ABCA13: variants seen among roughly 807,000 people sequenced by gnomAD.
The protein encoded by ABCA13 is ATP binding cassette subfamily A member 13.
Under a neutral mutation model 478.7 loss-of-function variants are expected in ABCA13, and 476 were observed. That is an observed-to-expected ratio of 0.99 (90% CI 0.92 to 1.07). The LOEUF is 1.07. Ranked by LOEUF, ABCA13 falls within the 50% of genes least tolerant of loss-of-function variation. The pLI is 0.00. For synonymous variants in ABCA13, 2,252 were observed against 2,158.9 expected (o/e 1.04, Z -1.20); for missense variants, 6,060 against 5,910.6 (o/e 1.03, Z -0.83).
In ABCA13 at chr7:48,245,581, A is replaced by G; in HGVS notation, c.1460A>G (p.Glu487Gly). 6.2e-7 allele frequency: 1 copy of G among 1,612,976 alleles called. No individual in the cohort carries two copies. Among genetic ancestry groups the G allele is most frequent in the Non-Finnish European group, 8.5e-7 (1 of 1,179,600 alleles). ...KWFELNQLKLEKDVFFWELKQ... is the reference protein window; with the variant it reads ...KWFELNQLKLGKDVFFWELKQ... ...TTTGAACTTAACCAATTGAAACTGG[A>G]AAAGGATGTGTTCTTTTGGGAGCTG... Residue 487 changes from glutamate (E) to glycine (G), a missense_variant, in exon 12 of 62, where the codon GAA becomes GGA. Around this residue, in one of 3 missense-constraint regions of ABCA13, gnomAD observed 4,423 missense variants for 4,309.1 expected, o/e 1.03. Coordinates refer to ENST00000435803, the MANE Select transcript of ABCA13 (RefSeq NM_152701.5).
At chr7:48,362,799 A>G (rs1276615078) in intron 31 of ABCA13, among the ~76,000 whole-genome samples, 1 of 151,962 alleles carries the variant, frequency 6.6e-6, no homozygotes, top group East Asian at 1.9e-4. Flanking sequence ...CCATCATGCA[A>G]TTTTAGCTGG....
chr7:48,480,915 G>T, intron 45 of ABCA13, 121 bp from the exon 46 acceptor site: 1 of 674,462 alleles, frequency 1.5e-6, no homozygotes. Flanking sequence ...ATAAAGGGCT[G>T]CAGATAATTT....
intron 55 of ABCA13, among the ~76,000 whole-genome samples, chr7:48,538,753 T>G (rs1163001627): frequency 1.3e-5 from 2 of 152,230 alleles, no homozygotes; most frequent in Admixed American, 6.5e-5. Flanking sequence ...TTAAATGATT[T>G]TTTTTGAATT....
chr7:48,618,929 C>G (rs973170458), intron 59 of ABCA13, among the ~76,000 whole-genome samples: 1 of 152,166 alleles, frequency 6.6e-6, no homozygotes. Context: ...GTCAGCAAGT[C>G]CCCACTTTTT....
At chr7:48,368,038 A>G (rs1811958338) in intron 32 of ABCA13, 130 bp downstream of exon 32, 1 of 605,592 alleles carries the variant, frequency 1.7e-6, no homozygotes, top group Non-Finnish European at 2.9e-6. Context: ...GTTCTGGTGT[A>G]CAAAATAGCT....
chr7:48,372,509 G>C lies in ABCA13; in HGVS notation c.11133+12G>C. 3 of 879,438 alleles carry C rather than the reference G, an allele frequency of 3.4e-6. No individual in the cohort carries two copies. Among genetic ancestry groups the C allele is most frequent in the South Asian group, 3.0e-5 (1 of 33,142 alleles). The allele number at this position is 879,438 out of a possible 1,614,324, so 54.5% of individuals were successfully genotyped here. ...ATCAGACATTTCTGGTAAGTAAGTT[G>C]TTTTGTAAAAAAAAAAAAAAAAAAC... is the stretch of plus-strand genomic sequence containing the variant. On this transcript the variant is annotated intron_variant, in intron 33 of 61. Transcript: ENST00000435803.
At chr7:48,565,071 T>C (rs4144068) in intron 55 of ABCA13, among the ~76,000 whole-genome samples, 21,031 of 151,986 alleles carry the variant, frequency 0.14, 1,812 homozygotes, top group African/African-American at 0.23. Flanking sequence ...AAAGTCTGAG[T>C]GACTGCGGAA....
In ABCA13 at chr7:48,288,974, C is replaced by G. The variant is rs1264141159; in HGVS notation, c.8955+896C>G. On this transcript the variant is annotated intron_variant, in intron 20 of 61. Coordinates refer to ENST00000435803, the MANE Select transcript of ABCA13 (RefSeq NM_152701.5). ...GTGAAGACCTGTCTCTCTTCTAGTT[C>G]TGGTTCTGAATGTTGTTTCTTGCTT... Among the ~76,000 whole-genome samples the G allele has an allele frequency of 2.0e-5, 3 of 152,240 alleles. No individual in the cohort carries two copies. The East Asian group carries it at 5.8e-4, about 29-fold the overall frequency.
intron 26 of ABCA13, 69 bp from the exon 27 acceptor site, chr7:48,317,088 A>T: frequency 6.6e-7 from 1 of 1,525,884 alleles, no homozygotes; most frequent in Non-Finnish European, 8.8e-7. Flanking sequence ...GGATATGTGA[A>T]TGAATTTCCC....
chr7:48,317,023 A>C, intron 26 of ABCA13, 134 bp from the exon 27 acceptor site: 2 of 1,088,440 alleles, frequency 1.8e-6, no homozygotes, highest in Non-Finnish European at 2.6e-6. Context: ...AGCACTCCCA[A>C]AGTTCAGAGT....
chr7:48,388,013 G>T lies in ABCA13; in HGVS notation c.11473+54G>T. ...ATGTATTTTTCCTTTGATCCATTTT[G>T]ATTTTTTTTTGTTTGTTTTTATGGT... On this transcript the variant is annotated intron_variant, in intron 36 of 61. Coordinates refer to ENST00000435803, the MANE Select transcript of ABCA13 (RefSeq NM_152701.5). The T allele has an allele frequency of 3.2e-6, 5 of 1,562,706 alleles. No homozygotes were observed. In the South Asian group the frequency reaches 6.0e-5, roughly 19 times the overall value.
At chr7:48,548,196 A>G (rs1299027977) in intron 55 of ABCA13, among the ~76,000 whole-genome samples, 2 of 151,952 alleles carry the variant, frequency 1.3e-5, no homozygotes, top group African/African-American at 2.4e-5. Context: ...TGTTTATCCT[A>G]TAGGAATACA....
At chr7:48,610,933 G>A (rs1007163901) in intron 58 of ABCA13, among the ~76,000 whole-genome samples, 4 of 152,194 alleles carry the variant, frequency 2.6e-5, no homozygotes, top group Admixed American at 6.5e-5. Flanking sequence ...CCTATGATGC[G>A]AGGGGGGCTG....
At chr7:48,466,165 A>G (rs1826854563) in intron 43 of ABCA13, among the ~76,000 whole-genome samples, 1 of 152,300 alleles carries the variant, frequency 6.6e-6, no homozygotes, top group Admixed American at 6.5e-5. Context: ...ATTCAGTCCA[A>G]TTTAGAAAAT....
intron 55 of ABCA13, 115 bp from the exon 56 acceptor site, chr7:48,580,109 C>T: frequency 4.4e-6 from 5 of 1,128,548 alleles, no homozygotes; most frequent in Non-Finnish European, 6.0e-6. Context: ...GTGAAATGAA[C>T]TAATTGTTTT....
intron 3 of ABCA13, among the ~76,000 whole-genome samples, chr7:48,211,472 A>G (rs144704119): frequency 7.0e-4 from 106 of 152,274 alleles, no homozygotes; most frequent in African/African-American, 2.5e-3. Context: ...GTTTCCCCTA[A>G]TCAGAAGGAG....
intron 55 of ABCA13, among the ~76,000 whole-genome samples, chr7:48,568,285 T>C (rs777547484): frequency 3.6e-4 from 55 of 152,254 alleles, no homozygotes; most frequent in Non-Finnish European, 6.5e-4. Context: ...AACTTCCTTT[T>C]ATCTCAAATT....
At chr7:48,203,190 C>A (rs964186242) in intron 3 of ABCA13, among the ~76,000 whole-genome samples, 3 of 152,114 alleles carry the variant, frequency 2.0e-5, no homozygotes, top group Admixed American at 1.3e-4. Flanking sequence ...CCGGCAGGGC[C>A]GGCCGGCTGC....
chr7:48,459,436 A>G (rs1170593295), intron 43 of ABCA13, among the ~76,000 whole-genome samples: 1 of 152,096 alleles, frequency 6.6e-6, no homozygotes, highest in Non-Finnish European at 1.5e-5. Flanking sequence ...AGGAAATGGA[A>G]ACTACCTTCC....
Sources: allele counts gnomAD v4.1 joint callset (sites outside exome capture counted in the v4.1 genomes callset), GRCh38; gene constraint gnomAD v4.1.1; regional missense constraint gnomAD v4.1.1; transcripts MANE v1.5; gene names NCBI Gene and HGNC (gene_info 2026-07-23, HGNC 2026-07-21).